The following FRMD3 variants were observed in gnomAD, a reference collection of about 807,000 sequenced individuals.
The protein encoded by FRMD3 is FERM domain containing 3.
Under a neutral mutation model 70.2 loss-of-function variants are expected in FRMD3, and 33 were observed. That is an observed-to-expected ratio of 0.47 (90% confidence interval 0.36 to 0.63). FRMD3 has a LOEUF of 0.63. Among genes scored for constraint, FRMD3 ranks in the 20% least tolerant of loss-of-function variants. The pLI is 0.00. For missense variants in FRMD3, 632 were observed against 711.4 expected (o/e 0.89, Z 1.27); for synonymous variants, 279 against 255.9 (o/e 1.09, Z -0.86).
intron 1 of FRMD3, among the ~76,000 whole-genome samples, chr9:83,470,660 G>A (rs1007572903): frequency 3.1e-4 from 47 of 152,330 alleles, no homozygotes; most frequent in African/African-American, 1.0e-3. Flanking sequence ...TGTCCCAGAA[G>A]GGTCCCGATC....
intron 1 of FRMD3, among the ~76,000 whole-genome samples, chr9:83,455,085 G>A (rs993212472): frequency 3.3e-5 from 5 of 152,090 alleles, no homozygotes; most frequent in African/African-American, 1.2e-4. Flanking sequence ...TTTTAATTAT[G>A]CAATGTTTGA....
intron 3 of FRMD3, among the ~76,000 whole-genome samples, chr9:83,364,928 T>C (rs1824740473): frequency 6.6e-6 from 1 of 152,220 alleles, no homozygotes; most frequent in South Asian, 2.1e-4. Context: ...CCATAGCCCA[T>C]ATTCTATAAA....
At chr9:83,472,294 G>A (rs1035120986) in intron 1 of FRMD3, among the ~76,000 whole-genome samples, 1 of 152,154 alleles carries the variant, frequency 6.6e-6, no homozygotes, top group African/African-American at 2.4e-5. Flanking sequence ...ATCAGGGTGA[G>A]GGAAATAAAA....
chr9:83,298,835 CAT>C lies in FRMD3; in HGVS notation c.1002-21_1002-20del, dbSNP rs1834785518. On this transcript the variant is annotated intron_variant, in intron 11 of 13. Coordinates refer to ENST00000304195, the MANE Select transcript of FRMD3 (RefSeq NM_174938.6). ...TTTCCCACTGCAAAAGACAGAAACACATGTGTATGCACACATAGTCAGAGAAG... is the reference window on the plus strand; with the variant it reads ...TTTCCCACTGCAAAAGACAGAAACACGTGTATGCACACATAGTCAGAGAAG... The C allele has an allele frequency of 2.8e-5, 45 of 1,609,592 alleles. No homozygotes were observed. Among genetic ancestry groups the C allele is most frequent in the Non-Finnish European group, 3.8e-5 (45 of 1,175,930 alleles).
At chr9:83,298,543 A>G (rs1331443738) in intron 12 of FRMD3, among the ~76,000 whole-genome samples, 2 of 152,246 alleles carry the variant, frequency 1.3e-5, no homozygotes, top group African/African-American at 4.8e-5. Context: ...GACCTAATCA[A>G]TGACTCTCCT....
At chr9:83,367,646 T>C (rs904214902) in intron 3 of FRMD3, among the ~76,000 whole-genome samples, 1 of 152,202 alleles carries the variant, frequency 6.6e-6, no homozygotes, top group African/African-American at 2.4e-5. Flanking sequence ...GCTTGAGGAA[T>C]AGAAAAGGAA....
chr9:83,518,528 T>C lies in FRMD3; in HGVS notation c.147+19557A>G, dbSNP rs528992701. Among the ~76,000 whole-genome samples, 11 of 152,234 alleles carry C rather than the reference T, an allele frequency of 7.2e-5. No individual in the cohort carries two copies. In the South Asian group the frequency reaches 1.9e-3, roughly 26 times the overall value. ...TGGAAAAACATTCCATGCTCATGGA[T>C]AGGAAGAATCAATATTGTAAAAATG... On this transcript the variant is annotated intron_variant, in intron 1 of 13. Coordinates refer to ENST00000304195, the MANE Select transcript of FRMD3 (RefSeq NM_174938.6).
chr9:83,417,863 T>A (rs1384068568), intron 1 of FRMD3, among the ~76,000 whole-genome samples: 2 of 152,130 alleles, frequency 1.3e-5, no homozygotes, highest in Admixed American at 1.3e-4. Flanking sequence ...AGGGTCATAG[T>A]GTTCACATTA....
chr9:83,478,584 G>T (rs899081303), intron 1 of FRMD3, among the ~76,000 whole-genome samples: 1 of 152,134 alleles, frequency 6.6e-6, no homozygotes, highest in Non-Finnish European at 1.5e-5. Context: ...GTGGAAAACA[G>T]TATGGCACTT....
At chr9:83,533,592 TA>T (rs1304201629) in intron 1 of FRMD3, among the ~76,000 whole-genome samples, 2 of 152,176 alleles carry the variant, frequency 1.3e-5, no homozygotes, top group Non-Finnish European at 2.9e-5. Flanking sequence ...TGTTGACAGG[TA>T]ATGAGTTAGA....
chr9:83,499,599 A>AT (rs1829017905), intron 1 of FRMD3, among the ~76,000 whole-genome samples: 1 of 152,116 alleles, frequency 6.6e-6, no homozygotes, highest in Non-Finnish European at 1.5e-5. Context: ...ATGAGATACC[A>AT]TTTTACACCA....
At chr9:83,451,389 TCACACACACACA>T (rs10611241) in intron 1 of FRMD3, among the ~76,000 whole-genome samples, 3 of 147,478 alleles carry the variant, frequency 2.0e-5, no homozygotes. Context: ...AATACATACA[TCACACACACACA>T]CACACACACA....
chr9:83,248,417 T>C lies in FRMD3; in HGVS notation c.1295A>G (p.Glu432Gly). The change falls in exon 14 of 14, where the codon GAA becomes GGA. Residue 432 changes from glutamate (E) to glycine (G), a missense_variant. Physicochemically the swap from Glu to Gly is moderately conservative, Grantham distance 98 (BLOSUM62 -2). Around this residue, in one of 3 missense-constraint regions of FRMD3, gnomAD observed 418 missense variants for 442.1 expected, o/e 0.95. Coordinates refer to ENST00000304195, the MANE Select transcript of FRMD3 (RefSeq NM_174938.6). ...REYEDPPSEE[E>G]DKIKEEPLTI... ...TAAAGGTTCTTCTTTTATTTTATCT[T>C]CCTCTTCACTAGGGGGATCTTCATA... 6.2e-7 allele frequency: 1 copy of C among 1,614,150 alleles called. No individual in the cohort carries two copies. The highest frequency in any genetic ancestry group is 1.7e-5 in the Admixed American group (1 of 60,014).
At chr9:83,518,722 C>T (rs554276350) in intron 1 of FRMD3, among the ~76,000 whole-genome samples, 5 of 152,070 alleles carry the variant, frequency 3.3e-5, no homozygotes, top group Non-Finnish European at 2.9e-5. Context: ...GGAAGCATCA[C>T]GCTACCTGAC....
At chr9:83,285,251 C>T (rs907804257) in intron 13 of FRMD3, among the ~76,000 whole-genome samples, 6 of 152,168 alleles carry the variant, frequency 3.9e-5, no homozygotes, top group South Asian at 2.1e-4. Context: ...CACAAACACG[C>T]GCAAACACAT....
chr9:83,401,356 G>A (rs1825945590), intron 1 of FRMD3, among the ~76,000 whole-genome samples: 2 of 152,222 alleles, frequency 1.3e-5, no homozygotes, highest in Admixed American at 1.3e-4. Context: ...ATCACAGAAT[G>A]TTGGAGTTGG....
chr9:83,520,510 C>T (rs907280105), intron 1 of FRMD3, among the ~76,000 whole-genome samples: 1 of 152,120 alleles, frequency 6.6e-6, no homozygotes, highest in Admixed American at 6.6e-5. Flanking sequence ...AGTGTGGTAG[C>T]CACTAGCATG....
At chr9:83,521,690 C>T (rs982362028) in intron 1 of FRMD3, among the ~76,000 whole-genome samples, 3 of 152,206 alleles carry the variant, frequency 2.0e-5, no homozygotes, top group Admixed American at 6.5e-5. Flanking sequence ...GTTTTCCAGA[C>T]TCTGACCCCC....
intron 1 of FRMD3, among the ~76,000 whole-genome samples, chr9:83,449,918 C>T (rs1251352936): frequency 6.6e-6 from 1 of 152,122 alleles, no homozygotes; most frequent in Non-Finnish European, 1.5e-5. Context: ...TCCAGCTGTT[C>T]GATTAAGAGA....
Sources: allele counts gnomAD v4.1 joint callset (sites outside exome capture counted in the v4.1 genomes callset), GRCh38; gene constraint gnomAD v4.1.1; regional missense constraint gnomAD v4.1.1; transcripts MANE v1.5; gene names NCBI Gene and HGNC (gene_info 2026-07-23, HGNC 2026-07-21).